Variants in ADAMTS6 observed in about 807,000 individuals in gnomAD.
The protein encoded by ADAMTS6 is ADAM metallopeptidase with thrombospondin type 1 motif 6.
ADAMTS6 carries 23 observed loss-of-function variants against 144.3 expected under a neutral mutation model. That is an observed-to-expected ratio of 0.16 (90% CI 0.11 to 0.23). The LOEUF is 0.23. Ranked by LOEUF, ADAMTS6 falls within the 10% of genes least tolerant of loss-of-function variation. The probability of loss-of-function intolerance (pLI) is 1.00; values close to 1 mark genes in which losing one functional copy is unlikely to be tolerated. For synonymous variants in ADAMTS6, 444 were observed against 457.5 expected, an observed-to-expected ratio of 0.97 and a Z score of 0.38; for missense variants, 999 against 1,379.6, an observed-to-expected ratio of 0.72 and a Z score of 4.37.
At chr5:65,242,506 A>G (rs1561319692) in intron 14 of ADAMTS6, among the ~76,000 whole-genome samples, 1 of 152,166 alleles carries the variant, frequency 6.6e-6, no homozygotes, top group Non-Finnish European at 1.5e-5. Context: ...CCTTATAAAG[A>G]CACATAAAAC....
At chr5:65,462,449 G>C (rs1002117707) in intron 3 of ADAMTS6, among the ~76,000 whole-genome samples, 4 of 152,150 alleles carry the variant, frequency 2.6e-5, no homozygotes, top group Non-Finnish European at 5.9e-5. Flanking sequence ...ACAATCCAGA[G>C]ATTTTATATG....
chr5:65,329,759 G>A (rs1228667275), intron 8 of ADAMTS6, among the ~76,000 whole-genome samples: 1 of 152,066 alleles, frequency 6.6e-6, no homozygotes, highest in East Asian at 1.9e-4. Flanking sequence ...GGACCACCTA[G>A]TAACTTGAGC....
chr5:65,424,105 G>C (rs1756303343), intron 7 of ADAMTS6, among the ~76,000 whole-genome samples: 1 of 152,088 alleles, frequency 6.6e-6, no homozygotes, highest in Non-Finnish European at 1.5e-5. Flanking sequence ...TATTCTCCAG[G>C]CTGCGACTAC....
intron 5 of ADAMTS6, among the ~76,000 whole-genome samples, chr5:65,452,471 A>AAC (rs1413274130): frequency 6.6e-6 from 1 of 151,876 alleles, no homozygotes; most frequent in Non-Finnish European, 1.5e-5. Flanking sequence ...TTAAAAAAAA[A>AAC]AAAAAACCCT....
chr5:65,377,815 A>G (rs541480282), intron 7 of ADAMTS6, among the ~76,000 whole-genome samples: 1 of 152,290 alleles, frequency 6.6e-6, no homozygotes, highest in South Asian at 2.1e-4. Flanking sequence ...ATCATATCAC[A>G]ATTTCTGGAG....
chr5:65,226,945 TTTCTGCTACATATGTTAC>T (rs1344973672), intron 15 of ADAMTS6, among the ~76,000 whole-genome samples: 5 of 152,164 alleles, frequency 3.3e-5, no homozygotes, highest in Non-Finnish European at 7.3e-5. Flanking sequence ...CAAACAGAAG[TTTCTGCTACATATGTTAC>T]TGAAGCTGAT....
intron 20 of ADAMTS6, among the ~76,000 whole-genome samples, chr5:65,209,611 TA>T (rs1385448497): frequency 6.6e-6 from 1 of 152,208 alleles, no homozygotes; most frequent in Non-Finnish European, 1.5e-5. Flanking sequence ...CTTCTTATCT[TA>T]AAAGATCTCA....
At chr5:65,478,442 A>C (rs957436953) in intron 1 of ADAMTS6, among the ~76,000 whole-genome samples, 7 of 152,252 alleles carry the variant, frequency 4.6e-5, no homozygotes, top group Non-Finnish European at 1.0e-4. Context: ...CCTGACCCCC[A>C]GTTACTTAAC....
intron 14 of ADAMTS6, among the ~76,000 whole-genome samples, chr5:65,258,624 C>G (rs1215778176): frequency 3.3e-5 from 5 of 152,124 alleles, no homozygotes; most frequent in African/African-American, 1.2e-4. Context: ...TAGACCAGAG[C>G]AGCAGTAGTG....
At chr5:65,414,454 C>T (rs1048902777) in intron 7 of ADAMTS6, among the ~76,000 whole-genome samples, 2 of 151,864 alleles carry the variant, frequency 1.3e-5, no homozygotes, top group African/African-American at 4.8e-5. Flanking sequence ...AGATTTTGCC[C>T]CCCTACACTA....
At chr5:65,322,981 G>A (rs187771561) in intron 9 of ADAMTS6, among the ~76,000 whole-genome samples, 1 of 152,180 alleles carries the variant, frequency 6.6e-6, no homozygotes, top group East Asian at 1.9e-4. Flanking sequence ...AATGCTTCTA[G>A]CTTTAGCCCA....
chr5:65,429,014 T>G (rs1756779186), intron 7 of ADAMTS6, among the ~76,000 whole-genome samples: 1 of 152,180 alleles, frequency 6.6e-6, no homozygotes, highest in African/African-American at 2.4e-5. Flanking sequence ...TGAAGGAAAT[T>G]GAGAAAACTG....
chr5:65,338,487 A>G (rs546548592), intron 7 of ADAMTS6, among the ~76,000 whole-genome samples: 1 of 152,360 alleles, frequency 6.6e-6, no homozygotes, highest in Non-Finnish European at 1.5e-5. Flanking sequence ...GAAGAAACTG[A>G]CCAAAACACA....
At chr5:65,384,022 C>G (rs1752276628) in intron 7 of ADAMTS6, among the ~76,000 whole-genome samples, 1 of 152,180 alleles carries the variant, frequency 6.6e-6, no homozygotes, top group African/African-American at 2.4e-5. Flanking sequence ...GGAGTAGAGC[C>G]TTAAAACGTT....
chr5:65,247,194 A>T (rs898509399), intron 14 of ADAMTS6, among the ~76,000 whole-genome samples: 2 of 152,156 alleles, frequency 1.3e-5, no homozygotes, highest in African/African-American at 4.8e-5. Flanking sequence ...GCATCTTTAG[A>T]TCTTAGTATT....
intron 9 of ADAMTS6, among the ~76,000 whole-genome samples, chr5:65,301,064 C>A (rs751162099): frequency 6.0e-5 from 9 of 151,052 alleles, no homozygotes; most frequent in Non-Finnish European, 1.3e-4. Flanking sequence ...TTTATCGTAG[C>A]CTCCTTCATT....
At chr5:65,376,555 G>C (rs996275212) in intron 7 of ADAMTS6, among the ~76,000 whole-genome samples, 1 of 152,120 alleles carries the variant, frequency 6.6e-6, no homozygotes, top group Non-Finnish European at 1.5e-5. Context: ...TTACAGGCCC[G>C]GCATGGTGGC....
In ADAMTS6 at chr5:65,197,019, T is replaced by C; in HGVS notation, c.2705+3A>G. On this transcript the variant is annotated splice_donor_region_variant and intron_variant, in intron 21 of 24. Coordinates refer to ENST00000381055, the MANE Select transcript of ADAMTS6 (RefSeq NM_197941.4). ...ATAATTCTCATTTCTTTCCCTTACT[T>C]ACTCAGGTGGGCAGGGCTCAGTGTT... 2.5e-6 allele frequency: 4 copies of C among 1,606,570 alleles called. No homozygotes were observed.
intron 22 of ADAMTS6, among the ~76,000 whole-genome samples, chr5:65,187,501 G>A (rs1254022875): frequency 1.3e-5 from 2 of 152,044 alleles, no homozygotes; most frequent in South Asian, 2.1e-4. Flanking sequence ...TAGATAGGTC[G>A]TAAGTGATAA....
Sources: gnomAD v4.1 joint callset for allele counts (sites outside exome capture counted in the v4.1 genomes callset) on GRCh38, gnomAD v4.1.1 for gene constraint, MANE v1.5 for transcripts, NCBI Gene and HGNC (gene_info 2026-07-23, HGNC 2026-07-21) for gene names.